DCDC2: variants seen among roughly 807,000 people sequenced by gnomAD.
DCDC2 encodes the protein doublecortin domain containing 2, also known as doublecortin domain-containing protein 2.
In DCDC2, 40 loss-of-function variants were observed where a neutral mutation model predicts 50.2. The ratio of observed to expected loss-of-function variants is 0.80; its 90% CI spans 0.62 to 1.04. The LOEUF is 1.04. DCDC2 is among the 50% of genes least tolerant of loss of function. The pLI, the probability that DCDC2 is intolerant of heterozygous loss-of-function variation, is 0.00. For synonymous variants in DCDC2, 234 were observed against 210.6 expected (o/e 1.11, Z -0.96); for missense variants, 570 against 581.9 (o/e 0.98, Z 0.21).
At chr6:24,205,400 G>A in intron 7 of DCDC2, 2 of 1,360,858 alleles carry the variant, frequency 1.5e-6, no homozygotes, top group Non-Finnish European at 1.9e-6. Context: ...CAGGCATTGA[G>A]ATGAGAAGAA....
intron 4 of DCDC2, among the ~76,000 whole-genome samples, chr6:24,294,236 G>A (rs111432956): frequency 0.037 from 5,610 of 152,074 alleles, 306 homozygotes; most frequent in African/African-American, 0.12. Flanking sequence ...GCACACTCCT[G>A]TAGTTCCAGC....
At position 24,215,469 on chromosome 6, in the gene DCDC2, G is replaced by A. The variant is rs148259321; in HGVS notation, c.923-10367C>T. Reference sequence around the variant, plus strand: ...CAGAGTTGCCTGGACAGAAGCAGGTGAAGATTCATGACAGGCTGTGTGGAG... The same window carrying A: ...CAGAGTTGCCTGGACAGAAGCAGGTAAAGATTCATGACAGGCTGTGTGGAG... On this transcript the variant is annotated intron_variant, in intron 7 of 9. Coordinates refer to ENST00000378454, the MANE Select transcript of DCDC2 (RefSeq NM_016356.5). Among the ~76,000 whole-genome samples the A allele has an allele frequency of 1.9e-3, 282 of 152,264 alleles. 1 individual carries two copies. The highest frequency in any genetic ancestry group is 2.8e-3 in the Non-Finnish European group (193 of 68,014).
At chr6:24,368,600 T>A in the DCDC2 span, among the ~76,000 whole-genome samples, 2 of 152,084 alleles carry the variant, frequency 1.3e-5, no homozygotes, top group Non-Finnish European at 2.9e-5. Context: ...CTGGCAAAAT[T>A]ATCTTTCTAA....
chr6:24,364,291 T>C, the DCDC2 span, among the ~76,000 whole-genome samples: 1 of 152,184 alleles, frequency 6.6e-6, no homozygotes, highest in Non-Finnish European at 1.5e-5. Flanking sequence ...AGATGGGATC[T>C]CACTATGTTG....
At position 24,330,213 on chromosome 6, in the gene DCDC2, T is replaced by C. The variant is rs182603427; in HGVS notation, c.348+23356A>G. 5.1e-3 allele frequency among the ~76,000 whole-genome samples: 783 copies of C among 152,302 alleles called. 4 individuals are homozygous for C. Among genetic ancestry groups the C allele is most frequent in the Non-Finnish European group, 8.0e-3 (542 of 68,026 alleles). On this transcript the variant is annotated intron_variant, in intron 2 of 9. Transcript: ENST00000378454. ...CTGGCTGATCCCTCCTGGTATTACT[T>C]TCATTATGAGCACTCAGAAGAATAA...
At chr6:24,245,830 T>A (rs1298669193) in intron 7 of DCDC2, among the ~76,000 whole-genome samples, 3 of 151,748 alleles carry the variant, frequency 2.0e-5, no homozygotes, top group African/African-American at 7.3e-5. Flanking sequence ...AAACAAAAAC[T>A]GGCAAATTTG....
At chr6:24,331,759 CAG>C (rs1759969219) in intron 2 of DCDC2, among the ~76,000 whole-genome samples, 1 of 152,048 alleles carries the variant, frequency 6.6e-6, no homozygotes, top group South Asian at 2.1e-4. Flanking sequence ...ATTCTGATGA[CAG>C]ATTATATTTC....
At chr6:24,349,640 G>A (rs891467009) in intron 2 of DCDC2, among the ~76,000 whole-genome samples, 3 of 152,054 alleles carry the variant, frequency 2.0e-5, no homozygotes, top group Non-Finnish European at 2.9e-5. Context: ...ACTGAGAGGT[G>A]GGACACGAGG....
At chr6:24,268,725 C>T (rs1464390031) in intron 7 of DCDC2, among the ~76,000 whole-genome samples, 1 of 152,036 alleles carries the variant, frequency 6.6e-6, no homozygotes, top group Non-Finnish European at 1.5e-5. Context: ...GCATGCGACA[C>T]TATGCCCGGC....
intron 2 of DCDC2, 100 bp from the exon 3 acceptor site, chr6:24,302,144 T>A: frequency 1.0e-6 from 1 of 984,172 alleles, no homozygotes; most frequent in Non-Finnish European, 1.5e-6. Flanking sequence ...TGCCTGAGAC[T>A]TCCTGTGCCT....
intron 7 of DCDC2, among the ~76,000 whole-genome samples, chr6:24,274,605 C>CAAAAAAAA (rs61569208): frequency 3.5e-4 from 29 of 82,410 alleles, no homozygotes; most frequent in African/African-American, 5.9e-4. Context: ...GAAACAGAGT[C>CAAAAAAAA]AAAAAAAAAA....
intron 8 of DCDC2, among the ~76,000 whole-genome samples, chr6:24,191,714 T>C (rs939639616): frequency 6.6e-5 from 10 of 152,156 alleles, no homozygotes; most frequent in Non-Finnish European, 1.2e-4. Context: ...ACACAGCAGA[T>C]TGAATAAATG....
chr6:24,311,626 T>C (rs1177474979), intron 2 of DCDC2, among the ~76,000 whole-genome samples: 8 of 152,230 alleles, frequency 5.3e-5, no homozygotes, highest in African/African-American at 1.9e-4. Flanking sequence ...TATATTCACA[T>C]TTGTTCCTCA....
chr6:24,190,964 G>A (rs1049679247), intron 8 of DCDC2, among the ~76,000 whole-genome samples: 1 of 152,148 alleles, frequency 6.6e-6, no homozygotes, highest in African/African-American at 2.4e-5. Context: ...AGATGTACAG[G>A]GAGAGGACCA....
At position 24,196,962 on chromosome 6, in the gene DCDC2, G is replaced by A. The variant is rs906283000; in HGVS notation, c.1023+8040C>T. Among the ~76,000 whole-genome samples the A allele has an allele frequency of 8.5e-5, 13 of 152,090 alleles. 1 individual carries two copies. In the South Asian group the frequency reaches 1.0e-3, roughly 12 times the overall value. On this transcript the variant is annotated intron_variant, in intron 8 of 9. Transcript: ENST00000378454. ...TAATATAGCTGCTTAGGATGTAAAC[G>A]TCAGCAGACCATAGAGAATGGCTGT...
rs1207433001 is a variant in DCDC2, at chr6:24,236,081, GA to G, written c.923-30980del. ...CTGACATCATTTTTCATAGAATTAG[GA>G]AAAAAAAAATTCTAAAATTCATATG... On this transcript the variant is annotated intron_variant, in intron 7 of 9. Transcript: ENST00000378454. 2.5e-3 allele frequency among the ~76,000 whole-genome samples: 369 copies of G among 149,420 alleles called. 1 individual carries two copies. The highest frequency in any genetic ancestry group is 0.01 in the Middle Eastern group (3 of 290).
the DCDC2 span, among the ~76,000 whole-genome samples, chr6:24,368,462 G>A: frequency 3.3e-5 from 5 of 152,218 alleles, no homozygotes; most frequent in East Asian, 1.9e-4. Flanking sequence ...GGGAAAACAC[G>A]TATTACCCAC....
intron 2 of DCDC2, among the ~76,000 whole-genome samples, chr6:24,346,677 G>A (rs755396307): frequency 2.2e-4 from 33 of 151,662 alleles, no homozygotes; most frequent in African/African-American, 4.1e-4. Flanking sequence ...TCGCTTGAAC[G>A]CGGGAGGTAG....
At chr6:24,188,214 C>T (rs1761245181) in intron 8 of DCDC2, among the ~76,000 whole-genome samples, 1 of 152,192 alleles carries the variant, frequency 6.6e-6, no homozygotes, top group Non-Finnish European at 1.5e-5. Context: ...CCCCAAATGA[C>T]ACTGTGCACA....
Sources: allele counts gnomAD v4.1 joint callset (sites outside exome capture counted in the v4.1 genomes callset), GRCh38; gene constraint gnomAD v4.1.1; transcripts MANE v1.5; gene names NCBI Gene and HGNC (gene_info 2026-07-23, HGNC 2026-07-21).